Variants in MERTK observed in about 807,000 individuals in gnomAD.
MERTK encodes the protein tyrosine-protein kinase Mer.
In MERTK, 69 loss-of-function variants were observed where a neutral mutation model predicts 99.3. The observed-to-expected ratio is 0.70, with a 90% CI of 0.57 to 0.85. MERTK has a LOEUF of 0.85. MERTK is among the 40% of genes least tolerant of loss of function. The pLI is 0.00. For missense variants in MERTK, 1,125 were observed against 1,249.4 expected (o/e 0.90, Z 1.50); for synonymous variants, 426 against 467.6 (o/e 0.91, Z 1.15).
chr2:111,916,983 C>T (rs1455603097), intron 1 of MERTK, among the ~76,000 whole-genome samples: 1 of 152,184 alleles, frequency 6.6e-6, no homozygotes, highest in African/African-American at 2.4e-5. Context: ...CCCCACCAGG[C>T]TTCCACTGAT....
intron 1 of MERTK, among the ~76,000 whole-genome samples, chr2:111,909,371 A>G (rs1399831040): frequency 6.6e-6 from 1 of 152,216 alleles, no homozygotes; most frequent in Admixed American, 6.5e-5. Flanking sequence ...ACTCATGACA[A>G]GATAACAAAG....
chr2:111,921,195 G>A (rs1316175288), intron 1 of MERTK, among the ~76,000 whole-genome samples: 1 of 152,136 alleles, frequency 6.6e-6, no homozygotes, highest in Non-Finnish European at 1.5e-5. Context: ...CCTAGAGAGG[G>A]TAGGGAAACA....
chr2:111,964,368 C>CGT (rs200168355), intron 4 of MERTK, among the ~76,000 whole-genome samples: 17,509 of 141,008 alleles, frequency 0.12, 1,120 homozygotes, highest in East Asian at 0.22. Flanking sequence ...ATCATTGTCT[C>CGT]GTGTGTGTGT....
intron 18 of MERTK, among the ~76,000 whole-genome samples, chr2:112,023,303 A>C (rs909344489): frequency 1.3e-5 from 2 of 151,852 alleles, no homozygotes; most frequent in Non-Finnish European, 2.9e-5. Flanking sequence ...AGTCCCAGCT[A>C]CTCGGGAGGC....
At chr2:111,908,650 C>A (rs1339555101) in intron 1 of MERTK, among the ~76,000 whole-genome samples, 1 of 152,164 alleles carries the variant, frequency 6.6e-6, no homozygotes, top group Non-Finnish European at 1.5e-5. Context: ...AGTGGTGTAA[C>A]CAAAATGGGA....
At chr2:112,027,137 A>C in intron 18 of MERTK, among the ~76,000 whole-genome samples, 1 of 151,842 alleles carries the variant, frequency 6.6e-6, no homozygotes, top group East Asian at 1.9e-4. Context: ...CTTATTAAAA[A>C]AATAAATACA....
At chr2:111,936,326 T>C (rs1338213727) in intron 2 of MERTK, among the ~76,000 whole-genome samples, 1 of 152,226 alleles carries the variant, frequency 6.6e-6, no homozygotes, top group Non-Finnish European at 1.5e-5. Flanking sequence ...TCAAAATATT[T>C]TAAGGCTGCT....
chr2:111,975,266 C>G, intron 6 of MERTK, 23 bp from the exon 7 acceptor site: 1 of 1,613,650 alleles, frequency 6.2e-7, no homozygotes, highest in South Asian at 1.1e-5. Flanking sequence ...AATGCCCGGT[C>G]CTCATGTTTA....
At chr2:112,021,272 A>C in intron 16 of MERTK, 150 bp from the exon 17 acceptor site, 1 of 1,109,118 alleles carries the variant, frequency 9.0e-7, no homozygotes, top group Non-Finnish European at 1.3e-6. Context: ...TTGCTCTGCC[A>C]TTGGTCCCAA....
intron 7 of MERTK, among the ~76,000 whole-genome samples, chr2:111,981,325 C>A (rs1228009981): frequency 6.6e-6 from 1 of 151,898 alleles, no homozygotes; most frequent in Non-Finnish European, 1.5e-5. Flanking sequence ...TGATTTTTCC[C>A]CCATTGGATT....
intron 1 of MERTK, among the ~76,000 whole-genome samples, chr2:111,911,010 AAAG>A (rs1684237402): frequency 1.3e-5 from 2 of 152,176 alleles, no homozygotes; most frequent in African/African-American, 2.4e-5. Flanking sequence ...AGCTTTTAAA[AAAG>A]AAGGTGATAA....
At chr2:111,911,776 A>G (rs552944252) in intron 1 of MERTK, among the ~76,000 whole-genome samples, 2 of 141,906 alleles carry the variant, frequency 1.4e-5, no homozygotes, top group East Asian at 4.2e-4. Flanking sequence ...TGGAGCCTAA[A>G]CTCCTGGGCT....
intron 18 of MERTK, among the ~76,000 whole-genome samples, chr2:112,027,660 T>C (rs6541998): frequency 0.6 from 91,859 of 151,880 alleles, 28,113 homozygotes; most frequent in Middle Eastern, 0.69. Flanking sequence ...GGCCATGGCA[T>C]GTTCTGTAAT....
At chr2:111,914,928 C>G (rs892429737) in intron 1 of MERTK, among the ~76,000 whole-genome samples, 5 of 152,206 alleles carry the variant, frequency 3.3e-5, no homozygotes, top group Admixed American at 3.3e-4. Context: ...GTTCCACCCT[C>G]TCTTCTAATT....
At chr2:111,905,303 G>A (rs186686587) in intron 1 of MERTK, among the ~76,000 whole-genome samples, 1 of 152,234 alleles carries the variant, frequency 6.6e-6, no homozygotes, top group East Asian at 1.9e-4. Flanking sequence ...CTAGGATCTA[G>A]GGACATGGCC....
intron 8 of MERTK, among the ~76,000 whole-genome samples, chr2:111,984,500 T>G (rs1676432820): frequency 6.6e-6 from 1 of 152,146 alleles, no homozygotes; most frequent in Non-Finnish European, 1.5e-5. Context: ...AGCTTTAAAT[T>G]CTGACTCACT....
At chr2:111,928,126 T>A (rs571787865) in intron 1 of MERTK, among the ~76,000 whole-genome samples, 18 of 152,184 alleles carry the variant, frequency 1.2e-4, no homozygotes, top group African/African-American at 4.1e-4. Context: ...TCCTGGAAGC[T>A]TCAGTATTCT....
rs561718480 is a variant in MERTK, at chr2:111,975,305, C to G, written c.977C>G (p.Pro326Arg). ...TTCGTTTAGGTCAAGGAAGCTGATC[C>G]GCTGAGTAATGGCTCAGTCATGATT... ...NCSIQVKEADPLSNGSVMIFN... is the reference protein window; with the variant it reads ...NCSIQVKEADRLSNGSVMIFN... The change falls in exon 7 of 19, where the codon CCG becomes CGG. Residue 326 changes from proline (P) to arginine (R), a missense_variant. Physicochemically the swap from Pro to Arg is moderately radical, Grantham distance 103. Transcript: ENST00000295408. 1 of 1,614,062 alleles carries G rather than the reference C, an allele frequency of 6.2e-7. No homozygotes were observed. The highest frequency in any genetic ancestry group is 8.5e-7 in the Non-Finnish European group (1 of 1,180,032).
chr2:111,961,271 C>A (rs1278441938), intron 4 of MERTK, among the ~76,000 whole-genome samples: 2 of 150,016 alleles, frequency 1.3e-5, no homozygotes, highest in Non-Finnish European at 3.0e-5. Flanking sequence ...AGCCATTCTC[C>A]TGCCTCAGCT....
Sources: allele counts gnomAD v4.1 joint callset (sites outside exome capture counted in the v4.1 genomes callset), GRCh38; gene constraint gnomAD v4.1.1; transcripts MANE v1.5; gene names NCBI Gene and HGNC (gene_info 2026-07-23, HGNC 2026-07-21).